SLC15A1: variants seen among roughly 807,000 people sequenced by gnomAD.
SLC15A1 encodes the protein solute carrier family 15 member 1.
A neutral mutation model predicts 92.9 loss-of-function variants in SLC15A1; 83 were observed. The ratio of observed to expected loss-of-function variants is 0.89; its 90% confidence interval spans 0.75 to 1.07. The LOEUF (loss-of-function observed/expected upper bound fraction) is 1.07. Among genes scored for constraint, SLC15A1 ranks in the 50% least tolerant of loss-of-function variants. The pLI is 0.00. For synonymous variants in SLC15A1, 322 were observed against 318.2 expected (o/e 1.01, Z -0.13); for missense variants, 857 against 880.1 (o/e 0.97, Z 0.33).
intron 21 of SLC15A1, among the ~76,000 whole-genome samples, chr13:98,686,552 C>T (rs563578039): frequency 1.2e-4 from 18 of 152,298 alleles, no homozygotes; most frequent in African/African-American, 3.4e-4. Context: ...GACACATCTA[C>T]GGAGGAGCTG....
rs1308029934 is a variant in SLC15A1 at position 98,684,852 on chromosome 13, C to A, written c.1999G>T (p.Ala667Ser). 6.2e-7 allele frequency: 1 copy of A among 1,614,086 alleles called. No individual in the cohort carries two copies. Among genetic ancestry groups the A allele is most frequent in the Non-Finnish European group, 8.5e-7 (1 of 1,180,026 alleles). ...GGGTTGATGTAAGTATAGAACCGAG[C>A]CATGATGGCAAAAATTACACAGACG... ...LVVCVIFAIMARFYTYINPAE... is the reference protein window; with the variant it reads ...LVVCVIFAIMSRFYTYINPAE... Residue 667 changes from alanine to serine, a missense_variant, in exon 23 of 23, where the codon GCT (alanine) becomes TCT (serine). By Grantham distance (99) the Ala-to-Ser change is moderately conservative. Transcript: ENST00000376503.
intron 1 of SLC15A1, among the ~76,000 whole-genome samples, chr13:98,752,113 AAG>A (rs2088551439): frequency 6.6e-6 from 1 of 152,248 alleles, no homozygotes; most frequent in East Asian, 1.9e-4. Context: ...GCAGAGGGTT[AAG>A]AGGGGGCCAC....
chr13:98,724,337 C>T (rs1291110791), intron 4 of SLC15A1, among the ~76,000 whole-genome samples: 2 of 152,020 alleles, frequency 1.3e-5, no homozygotes, highest in Non-Finnish European at 2.9e-5. Flanking sequence ...GACCCCATCT[C>T]AACAAAAAAA....
At chr13:98,718,614 C>T (rs1281123271) in intron 8 of SLC15A1, among the ~76,000 whole-genome samples, 5 of 152,148 alleles carry the variant, frequency 3.3e-5, no homozygotes, top group East Asian at 3.9e-4. Context: ...GTCAGGTGCT[C>T]GAGACCAGCC....
intron 18 of SLC15A1, among the ~76,000 whole-genome samples, chr13:98,696,430 AC>A (rs2088022042): frequency 6.7e-6 from 1 of 150,346 alleles, no homozygotes; most frequent in Non-Finnish European, 1.5e-5. Context: ...AACAACAACA[AC>A]AAAAAAAAAC....
chr13:98,734,947 A>C (rs1281049180), intron 1 of SLC15A1, among the ~76,000 whole-genome samples: 3 of 152,236 alleles, frequency 2.0e-5, no homozygotes, highest in Non-Finnish European at 4.4e-5. Flanking sequence ...TATTCCAATC[A>C]ATAGAAAAAG....
At chr13:98,745,100 C>T (rs1049587966) in intron 1 of SLC15A1, among the ~76,000 whole-genome samples, 1 of 152,098 alleles carries the variant, frequency 6.6e-6, no homozygotes, top group African/African-American at 2.4e-5. Context: ...ATGGGAACGT[C>T]GTTTTTAGAA....
intron 5 of SLC15A1, among the ~76,000 whole-genome samples, chr13:98,723,187 G>A (rs1052118047): frequency 2.6e-5 from 4 of 152,098 alleles, no homozygotes; most frequent in African/African-American, 7.2e-5. Flanking sequence ...TCCCTCCACC[G>A]ACACAGTTCC....
In SLC15A1 at chr13:98,686,248, A is replaced by G. The variant is rs755926443; in HGVS notation, c.1877T>C (p.Val626Ala). ...SVLQAGWLLT[V>A]AVGNIIVLIV... ...GAGCACAATGATGTTGCCAACAGCCACGGTCAGCAGCCATCCTGCCTGAAG... is the reference window on the plus strand; with the variant it reads ...GAGCACAATGATGTTGCCAACAGCCGCGGTCAGCAGCCATCCTGCCTGAAG... Residue 626 changes from valine to alanine, a missense_variant, in exon 22 of 23, where the codon GTG becomes GCG. Physicochemically the swap from Val to Ala is moderately conservative, Grantham distance 64 (BLOSUM62 0). Transcript: ENST00000376503. 8.7e-6 allele frequency: 14 copies of G among 1,613,750 alleles called. No homozygotes were observed. The South Asian group carries it at 1.5e-4, about 18-fold the overall frequency.
At chr13:98,708,663 G>A (rs1326098338) in intron 15 of SLC15A1, 23 bp downstream of exon 15, 1 of 1,601,790 alleles carries the variant, frequency 6.2e-7, no homozygotes, top group East Asian at 2.2e-5. Flanking sequence ...GAAAGGACAT[G>A]GGAGAACCAG....
chr13:98,727,549 G>T (rs2088312402), intron 1 of SLC15A1, among the ~76,000 whole-genome samples: 1 of 152,144 alleles, frequency 6.6e-6, no homozygotes, highest in African/African-American at 2.4e-5. Flanking sequence ...AGAAGAGCAG[G>T]AAGAAACAGC....
chr13:98,750,954 C>T (rs899175445), intron 1 of SLC15A1, among the ~76,000 whole-genome samples: 4 of 151,990 alleles, frequency 2.6e-5, no homozygotes, highest in Admixed American at 2.0e-4. Flanking sequence ...GGGGTCTTAC[C>T]ATGTTGGCCA....
Position 98,684,656 on chromosome 13 carries a change from C to T in SLC15A1, c.*68G>A. The stretch of plus-strand genomic sequence containing the variant: ...CATCAGGGGCCATCCAATGGAGTGT[C>T]CTGCTACCTGGGGGCAGAGGTCAGG... On this transcript the variant is annotated 3_prime_UTR_variant, in exon 23 of 23. Coordinates refer to ENST00000376503, the MANE Select transcript of SLC15A1 (RefSeq NM_005073.4). The T allele has an allele frequency of 7.6e-7, 1 of 1,322,664 alleles. No homozygotes were observed. The highest frequency in any genetic ancestry group is 1.1e-6 in the Non-Finnish European group (1 of 928,388). 81.9% of individuals were successfully genotyped at this position (1,322,664 alleles called of 1,614,324 possible).
intron 1 of SLC15A1, among the ~76,000 whole-genome samples, chr13:98,748,884 C>T (rs1370687612): frequency 2.0e-5 from 3 of 152,212 alleles, no homozygotes. Context: ...ATGAGCTCTA[C>T]CCTGCACCTG....
Position 98,721,017 on chromosome 13 carries a change from G to A in SLC15A1, c.556+478C>T, listed in dbSNP as rs147096012. The A allele has an allele frequency of 2.1e-3, 856 of 410,300 alleles. 10 individuals carry two copies. The highest frequency in any genetic ancestry group is 0.015 in the African/African-American group (737 of 48,884). The allele number at this position is 410,300 out of a possible 1,614,324, so 25.4% of individuals were successfully genotyped here. A position where few individuals can be genotyped will look rare whatever the true frequency, so the allele number is the denominator to read the frequency against. ...CAGTGAGCCAAGATCACGCCACTGCGCTCCAGCGTGGGTGACAGAGCAAGA... is the reference window on the plus strand; with the variant it reads ...CAGTGAGCCAAGATCACGCCACTGCACTCCAGCGTGGGTGACAGAGCAAGA... On this transcript the variant is annotated intron_variant, in intron 7 of 22. Coordinates refer to ENST00000376503, the MANE Select transcript of SLC15A1 (RefSeq NM_005073.4).
intron 18 of SLC15A1, among the ~76,000 whole-genome samples, chr13:98,692,768 C>T (rs969948032): frequency 5.9e-5 from 9 of 152,132 alleles, no homozygotes; most frequent in South Asian, 2.1e-4. Flanking sequence ...TGTTTGAAGA[C>T]GGAGTCTCAC....
At chr13:98,692,136 CTTTTTTTT>C (rs528865683) in intron 18 of SLC15A1, among the ~76,000 whole-genome samples, 68 of 67,626 alleles carry the variant, frequency 1.0e-3, no homozygotes, top group African/African-American at 2.6e-3. Context: ...TTCTCCTAAA[CTTTTTTTT>C]TTTTTTTTTT....
intron 1 of SLC15A1, among the ~76,000 whole-genome samples, chr13:98,745,934 C>G (rs1227054315): frequency 5.3e-5 from 8 of 151,972 alleles, no homozygotes. Flanking sequence ...ATAGGTAACT[C>G]GTGACTCAGG....
chr13:98,708,800 A>G (rs745769070), intron 14 of SLC15A1, 33 bp from the exon 15 acceptor site: 1 of 1,542,990 alleles, frequency 6.5e-7, no homozygotes, highest in Non-Finnish European at 8.8e-7. Flanking sequence ...ACTCTCAACC[A>G]GTTTCACATA....
Sources: allele counts gnomAD v4.1 joint callset (sites outside exome capture counted in the v4.1 genomes callset), GRCh38; gene constraint gnomAD v4.1.1; transcripts MANE v1.5; gene names NCBI Gene and HGNC (gene_info 2026-07-23, HGNC 2026-07-21).